MEGF9: variants seen among roughly 807,000 people sequenced by gnomAD.
MEGF9 encodes the protein multiple epidermal growth factor-like domains protein 9.
A neutral mutation model predicts 46.8 loss-of-function variants in MEGF9; 6 were observed. That is an observed-to-expected ratio of 0.13 (90% confidence interval 0.07 to 0.25). The LOEUF (loss-of-function observed/expected upper bound fraction) is 0.25, where lower values mean the gene tolerates loss of function less well. Ranked by LOEUF, MEGF9 falls within the 10% of genes least tolerant of loss-of-function variation. MEGF9 has a pLI of 1.00. For missense variants in MEGF9, 683 were observed against 792.4 expected (o/e 0.86, Z 1.66); for synonymous variants, 302 against 330.7 (o/e 0.91, Z 0.94).
chr9:120,652,181 C>CA lies in MEGF9; in HGVS notation c.803+7192dup, dbSNP rs869214058. Among the ~76,000 whole-genome samples the CA allele has an allele frequency of 5.5e-4, 5 of 9,094 alleles. 1 individual carries two copies. Among genetic ancestry groups the CA allele is most frequent in the Admixed American group, 2.1e-3 (1 of 486 alleles). 6.0% of individuals were successfully genotyped at this position (9,094 alleles called of 152,430 possible). A position where few individuals can be genotyped will look rare whatever the true frequency, so the allele number is the denominator to read the frequency against. On this transcript the variant is annotated intron_variant, in intron 2 of 5. Transcript: ENST00000373930. ...ACACACACACACACACACACACACACAAAAAAAAAAAAAAAAAAAACAGGT... is the reference window on the plus strand; with the variant it reads ...ACACACACACACACACACACACACACAAAAAAAAAAAAAAAAAAAAACAGGT...
At chr9:120,654,547 A>G (rs12115206) in intron 2 of MEGF9, among the ~76,000 whole-genome samples, 4,122 of 152,332 alleles carry the variant, frequency 0.027, 177 homozygotes, top group African/African-American at 0.091. Flanking sequence ...CAATCATATA[A>G]AAGTATAGCA....
intron 1 of MEGF9, among the ~76,000 whole-genome samples, chr9:120,665,480 G>A (rs976743367): frequency 1.3e-5 from 2 of 152,166 alleles, no homozygotes; most frequent in African/African-American, 4.8e-5. Flanking sequence ...TGGGATTACA[G>A]GGGTGAGCCA....
At chr9:120,615,880 C>T (rs533529206) in intron 3 of MEGF9, among the ~76,000 whole-genome samples, 1 of 151,800 alleles carries the variant, frequency 6.6e-6, no homozygotes, top group Admixed American at 6.6e-5. Context: ...GGAAATAGAG[C>T]GAGACCCTGT....
In MEGF9 at chr9:120,605,608, A is replaced by T. The variant is rs201595180; in HGVS notation, c.1391T>A (p.Ile464Asn). Reference protein sequence around the residue: ...VILPTPEGSTILVSNASLTTS... With the variant: ...VILPTPEGSTNLVSNASLTTS... ...GGTCAAAGAGGCATTGGAAACCAAA[A>T]TGGTAGAACCTTCAGGTGTTGGAAG... The change falls in exon 6 of 6, where the codon ATT becomes AAT. Residue 464 changes from isoleucine (I) to asparagine (N), a missense_variant. Around this residue, in one of 2 missense-constraint regions of MEGF9, gnomAD observed 313 missense variants for 421.1 expected, o/e 0.74. Transcript: ENST00000373930. This position sits in a 1 kb window ranked among gnomAD's most constrained non-coding sequence, Gnocchi z 4.0. 9.0e-5 allele frequency: 143 copies of T among 1,591,240 alleles called. No homozygotes were observed. The Middle Eastern group carries it at 2.5e-3, about 28-fold the overall frequency.
chr9:120,673,584 CT>C (rs146146395), intron 1 of MEGF9, among the ~76,000 whole-genome samples: 1,433 of 142,434 alleles, frequency 0.01, 22 homozygotes, highest in African/African-American at 0.029. Context: ...AGAAAGGATG[CT>C]TTTTTTTTTT....
intron 1 of MEGF9, among the ~76,000 whole-genome samples, chr9:120,687,959 AT>A (rs2043830904): frequency 1.3e-5 from 2 of 152,080 alleles, no homozygotes; most frequent in African/African-American, 4.8e-5. Flanking sequence ...CTTATTTCAT[AT>A]TTTTTAAAAT....
intron 2 of MEGF9, among the ~76,000 whole-genome samples, chr9:120,627,075 G>C (rs2043528569): frequency 6.6e-6 from 1 of 152,072 alleles, no homozygotes; most frequent in African/African-American, 2.4e-5. Flanking sequence ...TTAGAATTCT[G>C]TTAATAAAAC....
At chr9:120,608,760 TG>T (rs1158561568) in intron 4 of MEGF9, among the ~76,000 whole-genome samples, 1 of 152,226 alleles carries the variant, frequency 6.6e-6, no homozygotes, top group Non-Finnish European at 1.5e-5. Context: ...TCTCAGTGAA[TG>T]GTACCAACAT....
chr9:120,685,407 T>C (rs2043817683), intron 1 of MEGF9, among the ~76,000 whole-genome samples: 1 of 152,146 alleles, frequency 6.6e-6, no homozygotes, highest in African/African-American at 2.4e-5. Flanking sequence ...CAATAATATA[T>C]CAAAAAAGAA....
chr9:120,683,786 C>T (rs1232024772), intron 1 of MEGF9, among the ~76,000 whole-genome samples: 1 of 151,892 alleles, frequency 6.6e-6, no homozygotes, highest in East Asian at 1.9e-4. Flanking sequence ...CCCAGCTACT[C>T]AGGAGGCTGA....
intron 2 of MEGF9, among the ~76,000 whole-genome samples, chr9:120,625,955 G>A (rs2132305786): frequency 6.6e-6 from 1 of 150,942 alleles, no homozygotes; most frequent in Non-Finnish European, 1.5e-5. Flanking sequence ...GTCTCTCTCT[G>A]TTAAAGACTT....
intron 1 of MEGF9, among the ~76,000 whole-genome samples, chr9:120,702,403 G>T (rs983644029): frequency 6.6e-6 from 1 of 152,086 alleles, no homozygotes; most frequent in African/African-American, 2.4e-5. Context: ...ATTTTTAAAT[G>T]TTATTCATTT....
intron 2 of MEGF9, among the ~76,000 whole-genome samples, chr9:120,648,958 G>T (rs80303497): frequency 0.024 from 3,607 of 152,214 alleles, 152 homozygotes; most frequent in African/African-American, 0.083. Context: ...TTGTCCCTGA[G>T]CATGGGATGG....
chr9:120,654,475 C>T (rs141713368), intron 2 of MEGF9, among the ~76,000 whole-genome samples: 1 of 152,298 alleles, frequency 6.6e-6, no homozygotes, highest in Non-Finnish European at 1.5e-5. Flanking sequence ...TGTGGTAACA[C>T]ACTGCAACAT....
At position 120,714,197 on chromosome 9, in the gene MEGF9, C is replaced by T. The variant is rs941675154; in HGVS notation, c.162G>A (p.Ser54=). 1 of 1,234,798 alleles carries T rather than the reference C, an allele frequency of 8.1e-7. No homozygotes were observed. Among genetic ancestry groups the T allele is most frequent in the Non-Finnish European group, 1.0e-6 (1 of 990,462 alleles). 76.5% of individuals were successfully genotyped at this position (1,234,798 alleles called of 1,614,324 possible). ...GGGAAGQVDA[S]PGPGLRGEPS... Reference sequence around the variant, plus strand: ...GCTCGCCCCGCAACCCGGGGCCCGGCGACGCGTCCACCTGCCCCGCGGCCC... The same window carrying T: ...GCTCGCCCCGCAACCCGGGGCCCGGTGACGCGTCCACCTGCCCCGCGGCCC... Residue 54 remains serine (S), a synonymous_variant, in exon 1 of 6, where the codon TCG becomes TCA. Transcript: ENST00000373930.
At chr9:120,650,392 T>C (rs1365565598) in intron 2 of MEGF9, among the ~76,000 whole-genome samples, 2 of 152,222 alleles carry the variant, frequency 1.3e-5, no homozygotes, top group Non-Finnish European at 2.9e-5. Context: ...GGAAAAACAT[T>C]TGAAATGTGT....
intron 1 of MEGF9, among the ~76,000 whole-genome samples, chr9:120,689,068 T>C (rs981748044): frequency 6.6e-6 from 1 of 151,726 alleles, no homozygotes; most frequent in Non-Finnish European, 1.5e-5. Context: ...TACAGCTTAA[T>C]GTCTTATAGC....
At chr9:120,688,985 C>G (rs2043836400) in intron 1 of MEGF9, among the ~76,000 whole-genome samples, 1 of 152,052 alleles carries the variant, frequency 6.6e-6, no homozygotes, top group African/African-American at 2.4e-5. Flanking sequence ...AGTGTTGTGC[C>G]AGAAATACAG....
chr9:120,606,188 AAAT>A (rs1244366189), intron 5 of MEGF9, among the ~76,000 whole-genome samples: 2 of 151,998 alleles, frequency 1.3e-5, no homozygotes, highest in African/African-American at 4.8e-5. Context: ...AAAAAAAAAA[AAAT>A]CTTTGGGAAA....
Sources: gnomAD v4.1 joint callset for allele counts (sites outside exome capture counted in the v4.1 genomes callset) on GRCh38, gnomAD v4.1.1 for gene constraint, gnomAD v4.1.1 regional missense constraint, Gnocchi (gnomAD v3.1) non-coding constraint, MANE v1.5 for transcripts, NCBI Gene and HGNC (gene_info 2026-07-23, HGNC 2026-07-21) for gene names.